The following PTPRD variants were observed in gnomAD, a reference collection of about 807,000 sequenced individuals.
PTPRD encodes the protein protein tyrosine phosphatase receptor type D, also known as receptor-type tyrosine-protein phosphatase delta.
A neutral mutation model predicts 214.5 loss-of-function variants in PTPRD; 34 were observed. The ratio of observed to expected loss-of-function variants is 0.16; its 90% CI spans 0.12 to 0.21. The LOEUF (loss-of-function observed/expected upper bound fraction) is 0.21. Among genes scored for constraint, PTPRD ranks in the 10% least tolerant of loss-of-function variants. The probability of loss-of-function intolerance (pLI) is 1.00; values close to 1 mark genes in which losing one functional copy is unlikely to be tolerated. For synonymous variants in PTPRD, 1,128 were observed against 845.7 expected (o/e 1.33, Z -5.79); for missense variants, 2,545 against 2,398.7 (o/e 1.06, Z -1.27).
intron 3 of PTPRD, among the ~76,000 whole-genome samples, chr9:10,140,196 C>T (rs1339167106): frequency 1.3e-5 from 2 of 151,548 alleles, no homozygotes; most frequent in East Asian, 3.9e-4. Context: ...CTATAAACCC[C>T]AATATCCAGA....
At chr9:9,450,003 G>A (rs1237983757) in intron 8 of PTPRD, among the ~76,000 whole-genome samples, 1 of 151,876 alleles carries the variant, frequency 6.6e-6, no homozygotes, top group African/African-American at 2.4e-5. Context: ...CCATTCCTGA[G>A]TTACTTTACT....
intron 12 of PTPRD, among the ~76,000 whole-genome samples, chr9:8,682,322 A>C (rs544984503): frequency 6.6e-6 from 1 of 152,312 alleles, no homozygotes; most frequent in African/African-American, 2.4e-5. Context: ...ACAAACAAAA[A>C]CTAACAACAG....
At chr9:9,787,747 C>A (rs900049955) in intron 5 of PTPRD, among the ~76,000 whole-genome samples, 1 of 151,120 alleles carries the variant, frequency 6.6e-6, no homozygotes, top group African/African-American at 2.4e-5. Context: ...AAATTTGAAT[C>A]TGAACAACGT....
At chr9:9,726,684 A>AT (rs1295809373) in intron 7 of PTPRD, among the ~76,000 whole-genome samples, 1 of 152,184 alleles carries the variant, frequency 6.6e-6, no homozygotes, top group African/African-American at 2.4e-5. Context: ...GTGAAAAGAC[A>AT]TTTTCATATG....
At chr9:9,521,900 G>A (rs1158653675) in intron 8 of PTPRD, among the ~76,000 whole-genome samples, 5 of 152,160 alleles carry the variant, frequency 3.3e-5, no homozygotes, top group Non-Finnish European at 5.9e-5. Flanking sequence ...GCTCACGCCT[G>A]TAATCCTGGC....
chr9:9,628,413 T>G (rs900343427), intron 7 of PTPRD, among the ~76,000 whole-genome samples: 1 of 152,102 alleles, frequency 6.6e-6, no homozygotes, highest in Non-Finnish European at 1.5e-5. Context: ...ATCTTTGATA[T>G]CTCCCCATAC....
At chr9:9,720,408 A>G (rs1442751188) in intron 7 of PTPRD, among the ~76,000 whole-genome samples, 1 of 152,206 alleles carries the variant, frequency 6.6e-6, no homozygotes, top group East Asian at 1.9e-4. Context: ...ATAGCTATAT[A>G]TGTTCCAACC....
At chr9:8,687,674 G>C (rs1419781986) in intron 12 of PTPRD, among the ~76,000 whole-genome samples, 3 of 151,558 alleles carry the variant, frequency 2.0e-5, no homozygotes, top group African/African-American at 7.3e-5. Flanking sequence ...CAAATATGTG[G>C]AATGGAAAAA....
intron 2 of PTPRD, among the ~76,000 whole-genome samples, chr9:10,474,001 G>A (rs911925218): frequency 6.6e-6 from 1 of 151,916 alleles, no homozygotes; most frequent in African/African-American, 2.4e-5. Context: ...AATATGGAAA[G>A]GAAAAACCAG....
intron 11 of PTPRD, among the ~76,000 whole-genome samples, chr9:8,839,855 C>T (rs1395628263): frequency 6.6e-6 from 1 of 152,116 alleles, no homozygotes. Context: ...CCATTAAAAG[C>T]AGCAGTTATG....
At position 9,947,513 on chromosome 9, in the gene PTPRD, A is replaced by T. The variant is rs372906026; in HGVS notation, c.-471-8903T>A. 1.4e-4 allele frequency among the ~76,000 whole-genome samples: 3 copies of T among 21,386 alleles called. 1 individual carries two copies. The highest frequency in any genetic ancestry group is 6.0e-4 in the African/African-American group (3 of 4,962). 14.0% of individuals were successfully genotyped at this position (21,386 alleles called of 152,430 possible). A position where few individuals can be genotyped will look rare whatever the true frequency, so the allele number is the denominator to read the frequency against. ...ATATTATATATATTTTATATATATAATATATATATTATATATATTTTATAT... is the reference window on the plus strand; with the variant it reads ...ATATTATATATATTTTATATATATATTATATATATTATATATATTTTATAT... On this transcript the variant is annotated intron_variant, in intron 4 of 45. Coordinates refer to ENST00000381196, the MANE Select transcript of PTPRD (RefSeq NM_002839.4).
intron 9 of PTPRD, among the ~76,000 whole-genome samples, chr9:9,396,437 T>G (rs997153032): frequency 3.9e-5 from 6 of 152,058 alleles, no homozygotes; most frequent in Non-Finnish European, 7.4e-5. Context: ...TATTAAGGTT[T>G]GAGAAGCACC....
At chr9:10,534,705 TAAG>T (rs936761613) in intron 2 of PTPRD, among the ~76,000 whole-genome samples, 35 of 152,230 alleles carry the variant, frequency 2.3e-4, no homozygotes, top group African/African-American at 6.7e-4. Flanking sequence ...TACTATCTAC[TAAG>T]AAGAAGAAGA....
At chr9:9,781,369 T>C (rs1402095800) in intron 5 of PTPRD, among the ~76,000 whole-genome samples, 1 of 152,184 alleles carries the variant, frequency 6.6e-6, no homozygotes, top group Non-Finnish European at 1.5e-5. Context: ...GTATATATGA[T>C]TTTATAAACA....
At chr9:8,725,603 T>C (rs1221565967) in intron 12 of PTPRD, among the ~76,000 whole-genome samples, 1 of 152,078 alleles carries the variant, frequency 6.6e-6, no homozygotes, top group African/African-American at 2.4e-5. Flanking sequence ...TGACACAAAC[T>C]AATGAGAAAA....
At chr9:9,105,229 G>C (rs1056996009) in intron 10 of PTPRD, among the ~76,000 whole-genome samples, 2 of 152,132 alleles carry the variant, frequency 1.3e-5, no homozygotes, top group Non-Finnish European at 2.9e-5. Flanking sequence ...GCTCTTGAGA[G>C]GTGGCCTTAT....
At chr9:10,184,961 G>C (rs2099322353) in intron 3 of PTPRD, among the ~76,000 whole-genome samples, 1 of 152,160 alleles carries the variant, frequency 6.6e-6, no homozygotes, top group South Asian at 2.1e-4. Context: ...CAGTGTTTGT[G>C]AAAGTGAAAA....
At chr9:10,267,715 T>C (rs905192863) in intron 3 of PTPRD, among the ~76,000 whole-genome samples, 1 of 152,190 alleles carries the variant, frequency 6.6e-6, no homozygotes, top group African/African-American at 2.4e-5. Context: ...ATAGTAAATA[T>C]AAATGTTATG....
At chr9:10,440,018 A>C (rs2098748361) in intron 2 of PTPRD, among the ~76,000 whole-genome samples, 1 of 151,026 alleles carries the variant, frequency 6.6e-6, no homozygotes, top group Non-Finnish European at 1.5e-5. Context: ...TATAACAATA[A>C]TAAAAATATA....
Sources: allele counts gnomAD v4.1 joint callset (sites outside exome capture counted in the v4.1 genomes callset), GRCh38; gene constraint gnomAD v4.1.1; transcripts MANE v1.5; gene names NCBI Gene and HGNC (gene_info 2026-07-23, HGNC 2026-07-21).